PTPRZ1: variants seen among roughly 807,000 people sequenced by gnomAD.
PTPRZ1 encodes receptor-type tyrosine-protein phosphatase zeta.
PTPRZ1 carries 82 observed loss-of-function variants against 214.1 expected under a neutral mutation model. The ratio of observed to expected loss-of-function variants is 0.38; its 90% CI spans 0.32 to 0.46. PTPRZ1 has a LOEUF of 0.46. PTPRZ1 is among the 20% of genes least tolerant of loss of function. The pLI is 1.00. For missense variants in PTPRZ1, 2,603 were observed against 2,748.7 expected, an observed-to-expected ratio of 0.95 and a Z score of 1.19; for synonymous variants, 945 against 987.9, an observed-to-expected ratio of 0.96 and a Z score of 0.81.
intron 2 of PTPRZ1, among the ~76,000 whole-genome samples, chr7:121,936,471 C>T (rs983034625): frequency 6.6e-6 from 1 of 152,148 alleles, no homozygotes; most frequent in African/African-American, 2.4e-5. Context: ...ATTCCGAAGC[C>T]TGACTGAGGA....
chr7:122,012,241 T>A lies in PTPRZ1; in HGVS notation c.3195T>A (p.Pro1065=). The A allele has an allele frequency of 6.2e-7, 1 of 1,614,118 alleles. No homozygotes were observed. Among genetic ancestry groups the A allele is most frequent in the Non-Finnish European group, 8.5e-7 (1 of 1,179,968 alleles). ...CTTCTTTCAATGAGATGGTTTACCC[T>A]TCTGAAAGCACAGTCATGCCCAACA... ...QIPSFNEMVY[P]SESTVMPNMY... The change falls in exon 12 of 30, where the codon CCT becomes CCA. Residue 1065 remains proline (P), a synonymous_variant. Coordinates refer to ENST00000393386, the MANE Select transcript of PTPRZ1 (RefSeq NM_002851.3).
At chr7:121,880,656 CAG>C (rs1476646519) in intron 1 of PTPRZ1, among the ~76,000 whole-genome samples, 2 of 152,098 alleles carry the variant, frequency 1.3e-5, no homozygotes, top group African/African-American at 2.4e-5. Flanking sequence ...TGGTAATAAA[CAG>C]AGTCTTGATT....
intron 1 of PTPRZ1, among the ~76,000 whole-genome samples, chr7:121,894,264 A>G (rs991019301): frequency 6.6e-6 from 1 of 152,198 alleles, no homozygotes; most frequent in African/African-American, 2.4e-5. Flanking sequence ...AAGAACAGAA[A>G]CACCACTCTA....
chr7:122,048,337 A>C (rs1400753488), intron 23 of PTPRZ1, among the ~76,000 whole-genome samples: 1 of 152,144 alleles, frequency 6.6e-6, no homozygotes, highest in Non-Finnish European at 1.5e-5. Context: ...GGAGGAAAGA[A>C]TGTGAGTAAA....
intron 16 of PTPRZ1, 64 bp downstream of exon 16, chr7:122,034,179 C>A: frequency 1.3e-6 from 2 of 1,562,910 alleles, no homozygotes; most frequent in South Asian, 2.3e-5. Flanking sequence ...TAAAAAATTT[C>A]ATTTGATAGA....
chr7:121,974,351 G>C (rs942704491), intron 4 of PTPRZ1, among the ~76,000 whole-genome samples: 38 of 152,120 alleles, frequency 2.5e-4, no homozygotes, highest in Non-Finnish European at 5.0e-4. Context: ...CAAAGATGAA[G>C]TTCAAGAAAA....
chr7:121,960,817 G>A (rs1279294922), intron 2 of PTPRZ1, among the ~76,000 whole-genome samples: 2 of 152,054 alleles, frequency 1.3e-5, no homozygotes, highest in East Asian at 1.9e-4. Flanking sequence ...GTTAATGGCT[G>A]GTGGAGTAAC....
chr7:122,025,448 G>A (rs1358802561), intron 13 of PTPRZ1, among the ~76,000 whole-genome samples: 1 of 151,038 alleles, frequency 6.6e-6, no homozygotes, highest in African/African-American at 2.4e-5. Flanking sequence ...TTCTGCCTCA[G>A]CCTCTTGAGT....
chr7:121,908,440 T>C, intron 1 of PTPRZ1: 1 of 398,120 alleles, frequency 2.5e-6, no homozygotes, highest in South Asian at 1.9e-5. Flanking sequence ...AGAATACTAA[T>C]GTATCCAACT....
intron 11 of PTPRZ1, among the ~76,000 whole-genome samples, chr7:122,007,950 A>C (rs1337721787): frequency 2.0e-5 from 3 of 152,128 alleles, no homozygotes; most frequent in African/African-American, 7.2e-5. Context: ...GATCAACAAG[A>C]TATGGTAGGG....
intron 26 of PTPRZ1, 53 bp from the exon 27 acceptor site, chr7:122,054,888 T>G: frequency 6.7e-7 from 1 of 1,488,010 alleles, no homozygotes; most frequent in Non-Finnish European, 9.0e-7. Flanking sequence ...ACAATCTGAC[T>G]TATTGGTCAT....
At chr7:121,990,707 A>G (rs987602487) in intron 8 of PTPRZ1, among the ~76,000 whole-genome samples, 2 of 151,774 alleles carry the variant, frequency 1.3e-5, no homozygotes, top group African/African-American at 4.8e-5. Context: ...TTTAGCAGAG[A>G]CGGGGTTTCA....
In PTPRZ1 at chr7:122,019,189, G is replaced by T. The variant is rs755778735; in HGVS notation, c.4909G>T (p.Ala1637Ser). ...LAEGLESEKK[A>S]VIPLVIVSAL... ...TGAGGGGTTGGAATCCGAGAAGAAG[G>T]CAGTTATACCCCTTGTGATCGTGTC... The change falls in exon 13 of 30, where the codon GCA (alanine) becomes TCA (serine). Residue 1637 changes from alanine to serine, a missense_variant. Coordinates refer to ENST00000393386, the MANE Select transcript of PTPRZ1 (RefSeq NM_002851.3). 1 of 1,611,254 alleles carries T rather than the reference G, an allele frequency of 6.2e-7. No homozygotes were observed. Among genetic ancestry groups the T allele is most frequent in the East Asian group, 2.2e-5 (1 of 44,856 alleles).
intron 2 of PTPRZ1, among the ~76,000 whole-genome samples, chr7:121,950,542 G>A (rs1421175577): frequency 1.3e-5 from 2 of 152,142 alleles, no homozygotes; most frequent in East Asian, 1.9e-4. Flanking sequence ...AGTTATCAAG[G>A]GGACTGGTGA....
chr7:122,051,363 G>A (rs993419943), intron 23 of PTPRZ1, 65 bp from the exon 24 acceptor site: 20 of 1,022,778 alleles, frequency 2.0e-5, no homozygotes, highest in Non-Finnish European at 2.8e-5. Context: ...GTATGTATGT[G>A]TGTGTGTGTG....
At position 122,013,840 on chromosome 7, in the gene PTPRZ1, A is replaced by G. The variant is rs942829692; in HGVS notation, c.4794A>G (p.Thr1598=). 2.5e-6 allele frequency: 4 copies of G among 1,613,790 alleles called. No individual in the cohort carries two copies. The highest frequency in any genetic ancestry group is 1.7e-5 in the Admixed American group (1 of 59,996). ...CTCCTGGATTCCCACAGTCCCCAAC[A>G]TCATCTGTTACTAGCGAGAACTCAG... is the stretch of plus-strand genomic sequence containing the variant. ...EITPGFPQSP[T]SSVTSENSEV... The change falls in exon 12 of 30, where the codon ACA becomes ACG. Residue 1598 remains threonine (T), a synonymous_variant. Coordinates refer to ENST00000393386, the MANE Select transcript of PTPRZ1 (RefSeq NM_002851.3).
chr7:121,904,884 T>G (rs1795071786), intron 1 of PTPRZ1, among the ~76,000 whole-genome samples: 2 of 152,324 alleles, frequency 1.3e-5, no homozygotes, highest in South Asian at 4.1e-4. Flanking sequence ...AAAATAATGA[T>G]ATTAGGTAAT....
Position 122,012,493 on chromosome 7 carries a change from G to A in PTPRZ1, c.3447G>A (p.Glu1149=), listed in dbSNP as rs766000430. The change falls in exon 12 of 30, where the codon GAG becomes GAA. Residue 1149 remains glutamate, a synonymous_variant. Transcript: ENST00000393386. The stretch of plus-strand genomic sequence containing the variant: ...AACCTGTGCTTAGTGCAAACTCAGA[G>A]CCAGCATCCTCTGACCCTGCTTCTA... The part of the protein sequence containing the change: ...SLKPVLSANS[E]PASSDPASSE... 8 of 1,614,062 alleles carry A rather than the reference G, an allele frequency of 5.0e-6. No homozygotes were observed. The South Asian group carries it at 6.6e-5, about 13-fold the overall frequency.
intron 1 of PTPRZ1, among the ~76,000 whole-genome samples, chr7:121,899,058 C>T (rs1794885219): frequency 6.6e-6 from 1 of 152,058 alleles, no homozygotes. Context: ...TCCATCACTG[C>T]TTTCTTTTCC....
Sources: allele counts gnomAD v4.1 joint callset (sites outside exome capture counted in the v4.1 genomes callset), GRCh38; gene constraint gnomAD v4.1.1; transcripts MANE v1.5; gene names NCBI Gene and HGNC (gene_info 2026-07-23, HGNC 2026-07-21).